The following FAM117B variants were observed in gnomAD, a reference collection of about 807,000 sequenced individuals.
The protein encoded by FAM117B is family with sequence similarity 117 member B, also known as protein FAM117B.
Under a neutral mutation model 52.8 loss-of-function variants are expected in FAM117B, and 22 were observed. The observed-to-expected ratio is 0.42, with a 90% CI of 0.30 to 0.59. FAM117B has a LOEUF of 0.59. Among genes scored for constraint, FAM117B ranks in the 20% least tolerant of loss-of-function variants. The pLI is 0.22. For synonymous variants in FAM117B, 309 were observed against 324.1 expected, an observed-to-expected ratio of 0.95 and a Z score of 0.50; for missense variants, 678 against 802.6, an observed-to-expected ratio of 0.84 and a Z score of 1.88.
intron 4 of FAM117B, among the ~76,000 whole-genome samples, chr2:202,740,858 T>C (rs575528445): frequency 1.1e-3 from 160 of 151,792 alleles, no homozygotes; most frequent in Non-Finnish European, 2.0e-3. Context: ...ATATCTACAT[T>C]GATACAAAAA....
chr2:202,726,631 T>G (rs1052934387), intron 4 of FAM117B, among the ~76,000 whole-genome samples: 4 of 152,188 alleles, frequency 2.6e-5, no homozygotes, highest in Non-Finnish European at 4.4e-5. Context: ...CAGTTCAATA[T>G]TTTGGAGGCA....
rs1431712482 is a variant in FAM117B, at chr2:202,766,273, C to T, written c.*509C>T. 6.5e-6 allele frequency: 1 copy of T among 153,682 alleles called. No individual in the cohort carries two copies. Among genetic ancestry groups the T allele is most frequent in the Non-Finnish European group, 1.5e-5 (1 of 68,924 alleles). 9.5% of individuals were successfully genotyped at this position (153,682 alleles called of 1,614,324 possible). A position where few individuals can be genotyped will look rare whatever the true frequency, so the allele number is the denominator to read the frequency against. On this transcript the variant is annotated 3_prime_UTR_variant, in exon 8 of 8. Transcript: ENST00000392238. The stretch of plus-strand genomic sequence containing the variant: ...TTTGGTGGCCTCTGTTTCTTGTTCC[C>T]TTTCTAGATGTGTGCTTTTCTCAGC...
At chr2:202,698,567 C>T (rs1206552452) in intron 2 of FAM117B, among the ~76,000 whole-genome samples, 5 of 152,124 alleles carry the variant, frequency 3.3e-5, no homozygotes, top group South Asian at 4.2e-4. Flanking sequence ...GGACTACAAG[C>T]GCACGCCACC....
intron 2 of FAM117B, among the ~76,000 whole-genome samples, chr2:202,703,398 G>A (rs919367966): frequency 1.3e-5 from 2 of 152,118 alleles, no homozygotes; most frequent in Non-Finnish European, 2.9e-5. Flanking sequence ...TGTTGCCTAG[G>A]CTGGAGTATA....
At chr2:202,741,916 A>G (rs960788658) in intron 4 of FAM117B, among the ~76,000 whole-genome samples, 1 of 152,232 alleles carries the variant, frequency 6.6e-6, no homozygotes, top group East Asian at 1.9e-4. Context: ...GCAACCAGCT[A>G]GAAGACATAA....
chr2:202,734,709 A>G (rs1458036990), intron 4 of FAM117B, among the ~76,000 whole-genome samples: 1 of 152,222 alleles, frequency 6.6e-6, no homozygotes, highest in Non-Finnish European at 1.5e-5. Flanking sequence ...ATAAAATGTT[A>G]TAAAACTCTT....
chr2:202,652,570 A>G (rs1044101041), intron 1 of FAM117B, among the ~76,000 whole-genome samples: 2 of 152,190 alleles, frequency 1.3e-5, no homozygotes, highest in Non-Finnish European at 2.9e-5. Flanking sequence ...AAAGAGTAGT[A>G]CTTCATGACA....
intron 1 of FAM117B, among the ~76,000 whole-genome samples, chr2:202,689,849 G>T (rs945689691): frequency 6.6e-6 from 1 of 152,052 alleles, no homozygotes; most frequent in Non-Finnish European, 1.5e-5. Flanking sequence ...GCCCAGGATG[G>T]TGAGGCTGCT....
chr2:202,710,584 A>G (rs552415852), intron 2 of FAM117B, among the ~76,000 whole-genome samples: 1 of 152,188 alleles, frequency 6.6e-6, no homozygotes, highest in Non-Finnish European at 1.5e-5. Flanking sequence ...ATATTATTTT[A>G]CTTATTTTTA....
At chr2:202,663,381 A>G (rs1038933305) in intron 1 of FAM117B, among the ~76,000 whole-genome samples, 1 of 152,158 alleles carries the variant, frequency 6.6e-6, no homozygotes, top group Non-Finnish European at 1.5e-5. Flanking sequence ...ATTATAGGAA[A>G]TAGTGTTATT....
At chr2:202,722,401 G>C (rs1411012389) in intron 2 of FAM117B, among the ~76,000 whole-genome samples, 2 of 152,140 alleles carry the variant, frequency 1.3e-5, no homozygotes, top group African/African-American at 4.8e-5. Context: ...ATTCACAATA[G>C]CAACGACATG....
At chr2:202,695,588 G>T (rs1395627926) in intron 1 of FAM117B, among the ~76,000 whole-genome samples, 2 of 152,126 alleles carry the variant, frequency 1.3e-5, no homozygotes, top group Non-Finnish European at 2.9e-5. Context: ...ATGCTGGCTT[G>T]TTGTTATACT....
At chr2:202,694,274 TC>T (rs1690676477) in intron 1 of FAM117B, among the ~76,000 whole-genome samples, 1 of 140,158 alleles carries the variant, frequency 7.1e-6, no homozygotes, top group Non-Finnish European at 1.5e-5. Context: ...CACTGCAACC[TC>T]CAACTCTAGG....
At chr2:202,757,907 G>A (rs915209902) in intron 6 of FAM117B, among the ~76,000 whole-genome samples, 1 of 152,128 alleles carries the variant, frequency 6.6e-6, no homozygotes, top group African/African-American at 2.4e-5. Flanking sequence ...AAGCAAGCCT[G>A]ATGTAAAACG....
In FAM117B at chr2:202,769,452, T is replaced by C. The variant is rs1328670718; in HGVS notation, c.*3688T>C. ...GCTAAGAATGCTTAACTCTGCACTT[T>C]AAGTTCTACTCTGACCAAATTGAAG... is the stretch of plus-strand genomic sequence containing the variant. On this transcript the variant is annotated 3_prime_UTR_variant, in exon 8 of 8. Coordinates refer to ENST00000392238, the MANE Select transcript of FAM117B (RefSeq NM_173511.4). The C allele has an allele frequency of 1.3e-5, 2 of 152,656 alleles. 1 individual carries two copies. The highest frequency in any genetic ancestry group is 4.8e-5 in the African/African-American group (2 of 41,470). 9.5% of individuals were successfully genotyped at this position (152,656 alleles called of 1,614,324 possible). A position where few individuals can be genotyped will look rare whatever the true frequency, so the allele number is the denominator to read the frequency against.
In FAM117B at chr2:202,766,032, GT is replaced by G. The variant is rs1691972038; in HGVS notation, c.*273del. 1.1e-5 allele frequency: 4 copies of G among 350,628 alleles called. No individual in the cohort carries two copies. The South Asian group carries it at 1.4e-4, about 12-fold the overall frequency. 21.7% of individuals were successfully genotyped at this position (350,628 alleles called of 1,614,324 possible). The stretch of plus-strand genomic sequence containing the variant: ...TTTACCTTTGGAGAGACAATATCAC[GT>G]TTTTGTTTTCGAATTAGACTTCTTT... On this transcript the variant is annotated 3_prime_UTR_variant, in exon 8 of 8. Coordinates refer to ENST00000392238, the MANE Select transcript of FAM117B (RefSeq NM_173511.4).
At chr2:202,726,582 C>CTACT (rs1691248763) in intron 4 of FAM117B, among the ~76,000 whole-genome samples, 1 of 152,068 alleles carries the variant, frequency 6.6e-6, no homozygotes, top group South Asian at 2.1e-4. Flanking sequence ...GGAGACATAG[C>CTACT]TACTTATCTA....
chr2:202,656,340 A>G (rs1316973001), intron 1 of FAM117B, among the ~76,000 whole-genome samples: 1 of 152,188 alleles, frequency 6.6e-6, no homozygotes, highest in Non-Finnish European at 1.5e-5. Context: ...TAATAGAAAC[A>G]TTTAATGCCA....
At chr2:202,729,267 G>A (rs1691303510) in intron 4 of FAM117B, among the ~76,000 whole-genome samples, 2 of 152,146 alleles carry the variant, frequency 1.3e-5, no homozygotes, top group African/African-American at 4.8e-5. Flanking sequence ...CCAGGAGGCG[G>A]AGGTTGCAGT....
Sources: gnomAD v4.1 joint callset for allele counts (sites outside exome capture counted in the v4.1 genomes callset) on GRCh38, gnomAD v4.1.1 for gene constraint, MANE v1.5 for transcripts, NCBI Gene and HGNC (gene_info 2026-07-23, HGNC 2026-07-21) for gene names.